PRKDC: variants seen among roughly 807,000 people sequenced by gnomAD.
PRKDC encodes the protein protein kinase, DNA-activated, catalytic subunit.
PRKDC carries 82 observed loss-of-function variants against 486.9 expected under a neutral mutation model. The ratio of observed to expected loss-of-function variants is 0.17; its 90% CI spans 0.14 to 0.20. PRKDC has a LOEUF of 0.20. Among genes scored for constraint, PRKDC ranks in the 10% least tolerant of loss-of-function variants. The pLI is 1.00. For missense variants in PRKDC, 4,504 were observed against 5,038.2 expected (o/e 0.89, Z 3.21); for synonymous variants, 1,895 against 1,837.0 (o/e 1.03, Z -0.81).
chr8:47,957,675 T>C (rs945494062), intron 1 of PRKDC, among the ~76,000 whole-genome samples: 5 of 151,988 alleles, frequency 3.3e-5, no homozygotes, highest in Non-Finnish European at 7.4e-5. Flanking sequence ...CATGCCCGGC[T>C]AATTTTTTTT....
chr8:47,836,953 G>A (rs553894233), intron 57 of PRKDC, among the ~76,000 whole-genome samples: 135 of 152,320 alleles, frequency 8.9e-4, no homozygotes, highest in Non-Finnish European at 1.7e-3. Context: ...GACAGGACAA[G>A]CTCAGCATCC....
intron 65 of PRKDC, 84 bp from the exon 66 acceptor site, chr8:47,821,027 T>C: frequency 3.5e-6 from 3 of 868,424 alleles, no homozygotes; most frequent in Non-Finnish European, 4.9e-6. Flanking sequence ...TATTCTTTGC[T>C]ATACTTTCAC....
intron 68 of PRKDC, among the ~76,000 whole-genome samples, chr8:47,813,166 G>A (rs1219041342): frequency 1.3e-5 from 2 of 151,698 alleles, no homozygotes; most frequent in East Asian, 3.9e-4. Flanking sequence ...CTCCCAGGCT[G>A]GAATGCAATG....
chr8:47,870,586 T>C (rs2088929107), intron 40 of PRKDC, among the ~76,000 whole-genome samples: 1 of 152,090 alleles, frequency 6.6e-6, no homozygotes, highest in African/African-American at 2.4e-5. Flanking sequence ...TACCTACAAA[T>C]ACCTGGAAAG....
rs1429264973 is a variant in PRKDC, at chr8:47,858,868, C to T, written c.6326G>A (p.Gly2109Asp). The T allele has an allele frequency of 1.2e-6, 2 of 1,613,672 alleles. No individual in the cohort carries two copies. The highest frequency in any genetic ancestry group is 8.5e-7 in the Non-Finnish European group (1 of 1,179,764). Residue 2109 changes from glycine to aspartate, a missense_variant, in exon 47 of 86, where the codon GGC becomes GAC. Physicochemically the swap from Gly to Asp is moderately conservative, Grantham distance 94 (BLOSUM62 -1). Around this residue, in one of 6 missense-constraint regions of PRKDC, gnomAD observed 1,592 missense variants for 1,724.6 expected, o/e 0.92. Transcript: ENST00000314191. ...AAGCACCTCTTCTCCTTGAGGCGGG[C>T]CCAGGCTTCTGTGCATGTGCTTGAC... ...ALVKHMHRSL[G>D]PPQGEEDSVP...
Position 47,897,143 on chromosome 8 carries a change from A to T in PRKDC, c.3598+18T>A. 6.3e-7 allele frequency: 1 copy of T among 1,576,156 alleles called. No individual in the cohort carries two copies. Among genetic ancestry groups the T allele is most frequent in the Non-Finnish European group, 8.7e-7 (1 of 1,151,036 alleles). The stretch of plus-strand genomic sequence containing the variant: ...ATAAAGCACCGTGGTGAAATTAAAG[A>T]TATACAGATTACCATACCTGGCAAT... On this transcript the variant is annotated intron_variant, in intron 30 of 85. Coordinates refer to ENST00000314191, the MANE Select transcript of PRKDC (RefSeq NM_006904.7).
At chr8:47,853,963 G>T in intron 51 of PRKDC, 120 bp downstream of exon 51, 1 of 1,319,920 alleles carries the variant, frequency 7.6e-7, no homozygotes, top group Non-Finnish European at 1.0e-6. Context: ...CACCGTGCCT[G>T]GCCCAGAAAC....
chr8:47,952,163 C>T (rs2090635185), intron 7 of PRKDC, among the ~76,000 whole-genome samples: 1 of 152,124 alleles, frequency 6.6e-6, no homozygotes, highest in Non-Finnish European at 1.5e-5. Flanking sequence ...GATTTCTGTA[C>T]AACAATGATC....
At chr8:47,900,727 T>C (rs968740062) in intron 27 of PRKDC, among the ~76,000 whole-genome samples, 2 of 151,832 alleles carry the variant, frequency 1.3e-5, no homozygotes, top group South Asian at 4.2e-4. Context: ...CAGGCGCCTG[T>C]AGCCCCAGCT....
At chr8:47,958,520 G>A (rs2090749888) in intron 1 of PRKDC, among the ~76,000 whole-genome samples, 1 of 152,056 alleles carries the variant, frequency 6.6e-6, no homozygotes, top group South Asian at 2.1e-4. Context: ...CACTTCCCCT[G>A]GAATCTCTCA....
At position 47,844,715 on chromosome 8, in the gene PRKDC, T is replaced by C. The variant is rs544667243; in HGVS notation, c.7280+4439A>G. On this transcript the variant is annotated intron_variant, in intron 54 of 85. Coordinates refer to ENST00000314191, the MANE Select transcript of PRKDC (RefSeq NM_006904.7). ...CACTCAGACCACAGTACAATAAAAA[T>C]AGAAATCAATACCAAGACCTCTCAA... Among the ~76,000 whole-genome samples the C allele has an allele frequency of 1.6e-4, 24 of 151,926 alleles. No individual in the cohort carries two copies. The South Asian group carries it at 1.9e-3, about 12-fold the overall frequency.
chr8:47,904,428 A>G (rs1000123101), intron 26 of PRKDC, among the ~76,000 whole-genome samples: 5 of 152,074 alleles, frequency 3.3e-5, no homozygotes, highest in Non-Finnish European at 7.4e-5. Context: ...TAATTTTTCT[A>G]TTTTTAGTAG....
chr8:47,824,837 A>C (rs1278689119), intron 63 of PRKDC, among the ~76,000 whole-genome samples: 1 of 152,136 alleles, frequency 6.6e-6, no homozygotes, highest in Non-Finnish European at 1.5e-5. Flanking sequence ...TTGCAGTCTC[A>C]ACCCAAATGT....
chr8:47,854,440 G>T (rs1282394144), intron 50 of PRKDC, among the ~76,000 whole-genome samples: 7 of 152,122 alleles, frequency 4.6e-5, no homozygotes, highest in Admixed American at 4.6e-4. Flanking sequence ...CTGGGTTCAC[G>T]CCATTCTCCT....
At position 47,885,982 on chromosome 8, in the gene PRKDC, A is replaced by G. The variant is rs1036833509; in HGVS notation, c.4738T>C (p.Leu1580=). 20 of 1,613,838 alleles carry G rather than the reference A, an allele frequency of 1.2e-5. No individual in the cohort carries two copies. Among genetic ancestry groups the G allele is most frequent in the East Asian group, 2.2e-5 (1 of 44,896 alleles). The change falls in exon 36 of 86, where the codon TTG becomes CTG. Residue 1580 remains leucine, a synonymous_variant. Coordinates refer to ENST00000314191, the MANE Select transcript of PRKDC (RefSeq NM_006904.7). ...ELLKNLDLAV[L]ELMQSSVDNT... ...TCCACTGAAGACTGCATGAGCTCCA[A>G]TACAGCAAGATCCAGATTTTTCAAT...
intron 74 of PRKDC, 94 bp downstream of exon 74, chr8:47,794,196 T>C (rs1334617425): frequency 9.9e-7 from 1 of 1,012,670 alleles, no homozygotes; most frequent in African/African-American, 1.6e-5. Flanking sequence ...TCTAATTAAT[T>C]TGAAAACAAA....
In PRKDC at chr8:47,939,610, C is replaced by T. The variant is rs772734060; in HGVS notation, c.1054G>A (p.Val352Met). 71 of 1,613,532 alleles carry T rather than the reference C, an allele frequency of 4.4e-5. No homozygotes were observed. Among genetic ancestry groups the T allele is most frequent in the African/African-American group, 2.5e-4 (19 of 74,922 alleles). ...GATAACTCCTTGTTGTTCGAATCCA[C>T]ATTTCTGATGATTCCATAAAACTGC... ...MEQFYGIIRN[V>M]DSNNKELSIA... The change falls in exon 11 of 86, where the codon GTG becomes ATG. Residue 352 changes from valine to methionine, a missense_variant. Transcript: ENST00000314191.
intron 54 of PRKDC, among the ~76,000 whole-genome samples, chr8:47,841,410 G>A (rs578097642): frequency 6.6e-6 from 1 of 152,268 alleles, no homozygotes; most frequent in South Asian, 2.1e-4. Flanking sequence ...ACGCCTATCT[G>A]TCAACTTCCC....
intron 7 of PRKDC, among the ~76,000 whole-genome samples, chr8:47,945,802 A>T (rs1001417670): frequency 3.3e-5 from 5 of 151,298 alleles, no homozygotes; most frequent in African/African-American, 1.2e-4. Context: ...GCTCACCACA[A>T]CCTCCACTTC....
Sources: allele counts gnomAD v4.1 joint callset (sites outside exome capture counted in the v4.1 genomes callset), GRCh38; gene constraint gnomAD v4.1.1; regional missense constraint gnomAD v4.1.1; transcripts MANE v1.5; gene names NCBI Gene and HGNC (gene_info 2026-07-23, HGNC 2026-07-21).